KDM6A: variants seen among roughly 807,000 people sequenced by gnomAD.
KDM6A encodes lysine-specific demethylase 6A.
KDM6A carries 11 observed loss-of-function variants against 117.6 expected under a neutral mutation model. The ratio of observed to expected loss-of-function variants is 0.09; its 90% confidence interval spans 0.06 to 0.15. The LOEUF (loss-of-function observed/expected upper bound fraction) is 0.15, where lower values mean the gene tolerates loss of function less well. Ranked by LOEUF, KDM6A falls within the 10% of genes least tolerant of loss-of-function variation. The probability of loss-of-function intolerance (pLI) is 1.00; values close to 1 mark genes in which losing one functional copy is unlikely to be tolerated. For missense variants in KDM6A, 799 were observed against 1,077.3 expected (o/e 0.74, Z 3.62); for synonymous variants, 384 against 396.1 (o/e 0.97, Z 0.36).
rs12006980 is a variant in KDM6A at position 44,911,202 on chromosome X, C to T, written c.225+37215C>T. ...CCCACCTCCCGGACGGGGTGGCTGC[C>T]GGGCGGAGACACTCCTCACTTCCCG... is the stretch of plus-strand genomic sequence containing the variant. On this transcript the variant is annotated intron_variant, in intron 2 of 29. Coordinates refer to ENST00000611820, the MANE Select transcript of KDM6A (RefSeq NM_001291415.2). Among the ~76,000 whole-genome samples the T allele has an allele frequency of 1.3e-3, 141 of 108,766 alleles. 1 individual carries two copies. In the South Asian group the frequency reaches 0.019, roughly 14 times the overall value. The allele number at this position is 108,766 out of a possible 115,157, so 94.5% of individuals were successfully genotyped here. A position where few individuals can be genotyped will look rare whatever the true frequency, so the allele number is the denominator to read the frequency against.
At chrX:44,935,544 A>C (rs192504618) in intron 2 of KDM6A, among the ~76,000 whole-genome samples, 1 of 111,336 alleles carries the variant, frequency 9.0e-6, no homozygotes, top group Admixed American at 9.6e-5. Flanking sequence ...AATTCTTACA[A>C]TAATCCTTTG....
chrX:45,044,327 T>G (rs1272280628), intron 8 of KDM6A, among the ~76,000 whole-genome samples: 2 of 112,240 alleles, frequency 1.8e-5, no homozygotes, highest in Non-Finnish European at 3.8e-5. Context: ...TTTTCTTGAA[T>G]TTAGTGAAAT....
chrX:44,972,915 A>G (rs1231930236), intron 3 of KDM6A, among the ~76,000 whole-genome samples: 3 of 110,081 alleles, frequency 2.7e-5, no homozygotes, highest in Non-Finnish European at 5.7e-5. Flanking sequence ...CGCGCCTGTA[A>G]TCCCAGCTAC....
At chrX:45,090,513 C>T (rs2045848119) in intron 26 of KDM6A, among the ~76,000 whole-genome samples, 1 of 111,927 alleles carries the variant, frequency 8.9e-6, no homozygotes, top group African/African-American at 3.2e-5. Context: ...AATAAAAACA[C>T]AGTGCTTGGC....
Position 45,112,289 on chromosome X carries a change from TAC to T in KDM6A, c.*880_*881del, listed in dbSNP as rs2046788756. On this transcript the variant is annotated 3_prime_UTR_variant, in exon 30 of 30. Transcript: ENST00000611820. ...TTTGAGTTTTAAAAAAGACTTTATG[TAC>T]AGTGCCCAGTTTTTGTTCATTTTTG... 7.3e-6 allele frequency: 1 copy of T among 137,785 alleles called. No homozygotes were observed. The allele number at this position is 137,785 out of a possible 1,213,427, so 11.4% of individuals were successfully genotyped here. A position where few individuals can be genotyped will look rare whatever the true frequency, so the allele number is the denominator to read the frequency against.
chrX:45,069,993 C>T lies in KDM6A; in HGVS notation c.2494C>T (p.Leu832Phe), dbSNP rs1429606535. Residue 832 changes from leucine to phenylalanine, a missense_variant, in exon 18 of 30, where the codon CTC (leucine) becomes TTC (phenylalanine). By Grantham distance (22) the Leu-to-Phe change is conservative. Transcript: ENST00000611820. ...TTTACTAAGTTCAGACAATCCTCAG[C>T]TCTCTGCCTTGTTGATGGGAAAAGC... The part of the protein sequence containing the change: ...PGLLSSDNPQ[L>F]SALLMGKANN... 1.9e-5 allele frequency: 23 copies of T among 1,211,873 alleles called. No homozygotes were observed. The highest frequency in any genetic ancestry group is 2.5e-5 in the Non-Finnish European group (22 of 895,459).
At chrX:44,877,095 A>G (rs2031729635) in intron 2 of KDM6A, among the ~76,000 whole-genome samples, 1 of 111,864 alleles carries the variant, frequency 8.9e-6, no homozygotes, top group African/African-American at 3.3e-5. Context: ...ATGCGTATGT[A>G]TACGTATGTA....
chrX:45,047,628 T>G, intron 8 of KDM6A, among the ~76,000 whole-genome samples: 1 of 99,068 alleles, frequency 1.0e-5, no homozygotes, highest in South Asian at 4.2e-4. Context: ...TAGGATTATG[T>G]TTTTCTTTTG....
chrX:45,069,884 T>C lies in KDM6A; in HGVS notation c.2385T>C (p.Ser795=). The change falls in exon 18 of 30, where the codon AGT becomes AGC. Residue 795 remains serine, a synonymous_variant. Transcript: ENST00000611820. ...GAGAGACACCTAACAGCACTGCCAGTGTCGAGGGACTTCCTAATCATGTCC... is the reference window on the plus strand; with the variant it reads ...GAGAGACACCTAACAGCACTGCCAGCGTCGAGGGACTTCCTAATCATGTCC... ...HTGETPNSTA[S]VEGLPNHVHQ... 8.3e-7 allele frequency: 1 copy of C among 1,211,481 alleles called. No homozygotes were observed. The highest frequency in any genetic ancestry group is 1.8e-5 in the South Asian group (1 of 56,962).
At chrX:44,992,994 C>T (rs2040695766) in intron 4 of KDM6A, among the ~76,000 whole-genome samples, 2 of 111,975 alleles carry the variant, frequency 1.8e-5, no homozygotes, top group Non-Finnish European at 3.8e-5. Context: ...ATAGCTGTAG[C>T]CTATTGTTTC....
intron 2 of KDM6A, among the ~76,000 whole-genome samples, chrX:44,952,435 C>T (rs1216466068): frequency 1.8e-5 from 2 of 109,819 alleles, no homozygotes; most frequent in East Asian, 5.8e-4. Context: ...CCACGCCCAG[C>T]TAATTTTTTG....
At chrX:44,957,585 A>G (rs1349264469) in intron 2 of KDM6A, among the ~76,000 whole-genome samples, 2 of 112,016 alleles carry the variant, frequency 1.8e-5, no homozygotes, top group Non-Finnish European at 3.8e-5. Context: ...ATATGGCACT[A>G]TGATGGAAAT....
chrX:45,003,304 C>G (rs1222882806), intron 4 of KDM6A, among the ~76,000 whole-genome samples: 1 of 109,757 alleles, frequency 9.1e-6, no homozygotes, highest in East Asian at 2.9e-4. Flanking sequence ...TAGGTCTGGT[C>G]GGACCTTTGT....
At chrX:44,984,835 C>T (rs1192779482) in intron 4 of KDM6A, among the ~76,000 whole-genome samples, 5 of 111,325 alleles carry the variant, frequency 4.5e-5, no homozygotes, top group Non-Finnish European at 7.5e-5. Context: ...TAGTTTGAAG[C>T]CAGATAGTGT....
chrX:45,059,742 A>G (rs937597780), intron 12 of KDM6A, among the ~76,000 whole-genome samples: 6 of 111,901 alleles, frequency 5.4e-5, no homozygotes, highest in South Asian at 3.7e-4. Context: ...TTAAGTTGTC[A>G]TAGCATTTTA....
At chrX:44,963,128 G>T (rs949427090) in intron 3 of KDM6A, among the ~76,000 whole-genome samples, 1 of 111,304 alleles carries the variant, frequency 9.0e-6, no homozygotes, top group Admixed American at 9.6e-5. Context: ...CATTTCCACA[G>T]TGTTCACAGC....
Position 45,053,563 on chromosome X carries a change from T to C in KDM6A, c.749-266T>C, listed in dbSNP as rs1602758010. Among the ~76,000 whole-genome samples the C allele has an allele frequency of 1.2e-4, 14 of 112,531 alleles. No homozygotes were observed. In the South Asian group the frequency reaches 5.1e-3, roughly 41 times the overall value. On this transcript the variant is annotated intron_variant, in intron 9 of 29. Coordinates refer to ENST00000611820, the MANE Select transcript of KDM6A (RefSeq NM_001291415.2). ...GATATCAAAATTAGAAAAGTCTGAT[T>C]TATAATCTGTTATATCAGTACTAAA...
At chrX:44,977,426 T>C (rs142262766) in intron 4 of KDM6A, among the ~76,000 whole-genome samples, 2 of 110,098 alleles carry the variant, frequency 1.8e-5, no homozygotes, top group African/African-American at 6.7e-5. Flanking sequence ...GGCTAATTTT[T>C]AAGTTTTTTT....
intron 5 of KDM6A, among the ~76,000 whole-genome samples, chrX:45,016,453 TTATGTATGTATGTATGTATG>T (rs35987184): frequency 5.1e-5 from 5 of 98,719 alleles, no homozygotes; most frequent in South Asian, 4.6e-4. Context: ...TGATTTTATT[TTATGTATGTATGTATGTATG>T]TATGTATGTA....
Sources: gnomAD v4.1 joint callset for allele counts (sites outside exome capture counted in the v4.1 genomes callset) on GRCh38, gnomAD v4.1.1 for gene constraint, MANE v1.5 for transcripts, NCBI Gene and HGNC (gene_info 2026-07-23, HGNC 2026-07-21) for gene names.